Variants in CBFA2T3 observed in about 807,000 individuals in gnomAD.
CBFA2T3 encodes transcriptional corepressor CBFA2T3.
In CBFA2T3, 31 loss-of-function variants were observed where a neutral mutation model predicts 58.6. That is an observed-to-expected ratio of 0.53 (90% CI 0.40 to 0.71). The LOEUF (loss-of-function observed/expected upper bound fraction) is 0.71. CBFA2T3 is among the 30% of genes least tolerant of loss of function. The pLI is 0.00. For missense variants in CBFA2T3, 1,076 were observed against 963.1 expected, an observed-to-expected ratio of 1.12 and a Z score of -1.55; for synonymous variants, 531 against 421.9, an observed-to-expected ratio of 1.26 and a Z score of -3.17.
intron 1 of CBFA2T3, among the ~76,000 whole-genome samples, chr16:88,944,835 C>G (rs1306391832): frequency 2.0e-5 from 3 of 152,200 alleles, no homozygotes; most frequent in African/African-American, 7.2e-5. Flanking sequence ...CTCATGTGCC[C>G]TCCGTGACCC....
At chr16:88,883,363 G>T (rs1240797770) in intron 7 of CBFA2T3, 1 of 156,040 alleles carries the variant, frequency 6.4e-6, no homozygotes, top group Non-Finnish European at 1.4e-5. Context: ...CTCGGCACCC[G>T]CCTCCTGTCT....
At position 88,891,909 on chromosome 16, in the gene CBFA2T3, C is replaced by T. The variant is rs773107751; in HGVS notation, c.684G>A (p.Leu228=). The part of the protein sequence containing the change: ...SKLQEATNFP[L]RPFVIPFLKA... Reference sequence around the variant, plus strand: ...TCAGGAAGGGAATGACAAACGGCCGCAGAGGGAAGTTGGTGGCCTCCTGAA... The same window carrying T: ...TCAGGAAGGGAATGACAAACGGCCGTAGAGGGAAGTTGGTGGCCTCCTGAA... Residue 228 remains leucine (L), a synonymous_variant, in exon 5 of 12, where the codon CTG becomes CTA. Transcript: ENST00000268679. 1.7e-5 allele frequency: 27 copies of T among 1,613,256 alleles called. No individual in the cohort carries two copies. The South Asian group carries it at 2.1e-4, about 12-fold the overall frequency.
At chr16:88,950,255 A>ATCTGTTCACCCGTCCCCT in intron 1 of CBFA2T3, 1 of 208,164 alleles carries the variant, frequency 4.8e-6, no homozygotes, top group Non-Finnish European at 9.5e-6. Flanking sequence ...CCTGTCTTCC[A>ATCTGTTCACCCGTCCCCT]GGTCTGTTCA....
intron 11 of CBFA2T3, among the ~76,000 whole-genome samples, chr16:88,877,849 C>T (rs1437946355): frequency 2.0e-5 from 3 of 152,232 alleles, no homozygotes; most frequent in Non-Finnish European, 4.4e-5. Flanking sequence ...CACACAAAGC[C>T]TGAGCATATT....
intron 1 of CBFA2T3, among the ~76,000 whole-genome samples, chr16:88,956,025 C>T (rs1972211481): frequency 6.6e-6 from 1 of 152,274 alleles, no homozygotes; most frequent in African/African-American, 2.4e-5. Context: ...CCCAAGGATC[C>T]TGACCCCACC....
At chr16:88,952,141 A>G (rs548019908) in intron 1 of CBFA2T3, among the ~76,000 whole-genome samples, 7 of 152,230 alleles carry the variant, frequency 4.6e-5, no homozygotes, top group Non-Finnish European at 1.5e-5. Flanking sequence ...CAGGCTCGCT[A>G]CTATGCAGAG....
chr16:88,885,105 A>G lies in CBFA2T3; in HGVS notation c.1058T>C (p.Phe353Ser). Residue 353 changes from phenylalanine to serine, a missense_variant, in exon 7 of 12, where the codon TTC (phenylalanine) becomes TCC (serine). Coordinates refer to ENST00000268679, the MANE Select transcript of CBFA2T3 (RefSeq NM_005187.6). This position sits in a 1 kb window ranked among gnomAD's most constrained non-coding sequence, Gnocchi z 5.3. Reference protein sequence around the residue: ...RLEDIAMAHHFRDAYRHPDPR... With the variant: ...RLEDIAMAHHSRDAYRHPDPR... The stretch of plus-strand genomic sequence containing the variant: ...GTCTGGGTGGCGGTAGGCATCTCGG[A>G]AGTGGTGGGCCATGGCTATGTCCTC... 6 of 1,602,590 alleles carry G rather than the reference A, an allele frequency of 3.7e-6. No homozygotes were observed. Among genetic ancestry groups the G allele is most frequent in the Middle Eastern group, 1.7e-4 (1 of 6,046 alleles).
intron 1 of CBFA2T3, chr16:88,941,064 C>T (rs2142807733): frequency 1.0e-6 from 1 of 985,688 alleles, no homozygotes. Context: ...ACGGCGCACA[C>T]TCGCGACTCG....
intron 1 of CBFA2T3, among the ~76,000 whole-genome samples, chr16:88,910,885 C>A (rs1458201537): frequency 6.6e-6 from 1 of 151,182 alleles, no homozygotes; most frequent in African/African-American, 2.5e-5. Context: ...CCCTCCCCTG[C>A]CCCCAGCCCC....
chr16:88,927,092 C>T (rs994469680), intron 1 of CBFA2T3, among the ~76,000 whole-genome samples: 1 of 152,208 alleles, frequency 6.6e-6, no homozygotes, highest in Admixed American at 6.5e-5. Context: ...GCAACATCAT[C>T]GCTGCTCCCT....
chr16:88,971,526 G>A (rs1972655500), intron 1 of CBFA2T3, among the ~76,000 whole-genome samples: 1 of 152,232 alleles, frequency 6.6e-6, no homozygotes, highest in Non-Finnish European at 1.5e-5. Context: ...CCCCGCTGTG[G>A]ACCTGTGTCC....
At chr16:88,968,709 G>A (rs1223641267) in intron 1 of CBFA2T3, among the ~76,000 whole-genome samples, 1 of 152,196 alleles carries the variant, frequency 6.6e-6, no homozygotes, top group Non-Finnish European at 1.5e-5. Context: ...ACCACTGCAG[G>A]CCCCCTTGGG....
chr16:88,934,881 A>T (rs952820741), intron 1 of CBFA2T3, among the ~76,000 whole-genome samples: 2 of 152,130 alleles, frequency 1.3e-5, no homozygotes, highest in Non-Finnish European at 2.9e-5. Context: ...CTGGGACTAC[A>T]GGCGCCCGCC....
intron 1 of CBFA2T3, among the ~76,000 whole-genome samples, chr16:88,968,847 G>C (rs1285250891): frequency 6.6e-6 from 1 of 152,196 alleles, no homozygotes; most frequent in Non-Finnish European, 1.5e-5. Context: ...CTGATTGGGT[G>C]ACTTGCAGTG....
At chr16:88,946,472 G>A (rs1971904399) in intron 1 of CBFA2T3, among the ~76,000 whole-genome samples, 1 of 152,060 alleles carries the variant, frequency 6.6e-6, no homozygotes, top group Non-Finnish European at 1.5e-5. Context: ...GGTTGAGTAG[G>A]GAGAGCAGAG....
At chr16:88,907,510 C>T (rs1970377927) in intron 1 of CBFA2T3, among the ~76,000 whole-genome samples, 1 of 152,064 alleles carries the variant, frequency 6.6e-6, no homozygotes, top group South Asian at 2.1e-4. Flanking sequence ...CAACTCTGTC[C>T]TCACGGATTC....
In CBFA2T3 at chr16:88,977,127, T is replaced by C. The variant is rs1972884116; in HGVS notation, c.-320A>G. 2 of 324,254 alleles carry C rather than the reference T, an allele frequency of 6.2e-6. No individual in the cohort carries two copies. The highest frequency in any genetic ancestry group is 2.1e-5 in the African/African-American group (1 of 48,530). The allele number at this position is 324,254 out of a possible 1,614,324, so 20.1% of individuals were successfully genotyped here. A position where few individuals can be genotyped will look rare whatever the true frequency, so the allele number is the denominator to read the frequency against. On this transcript the variant is annotated 5_prime_UTR_variant, in exon 1 of 12. Coordinates refer to ENST00000268679, the MANE Select transcript of CBFA2T3 (RefSeq NM_005187.6). ...CGTGATAATGCCGGGGCCGGAGGCC[T>C]GCAGCTGCGCCCGCCACTTCCCTGA...
At position 88,881,366 on chromosome 16, in the gene CBFA2T3, C is replaced by T. The variant is rs760401870; in HGVS notation, c.1327G>A (p.Asp443Asn). 5 of 1,587,372 alleles carry T rather than the reference C, an allele frequency of 3.1e-6. No homozygotes were observed. The highest frequency in any genetic ancestry group is 1.3e-5 in the African/African-American group (1 of 74,368). Residue 443 changes from aspartate to asparagine, a missense_variant, in exon 9 of 12, where the codon GAC becomes AAC. Coordinates refer to ENST00000268679, the MANE Select transcript of CBFA2T3 (RefSeq NM_005187.6). ...HWARRYSDAEDTKKGPAPAAA... is the reference protein window; with the variant it reads ...HWARRYSDAENTKKGPAPAAA... The stretch of plus-strand genomic sequence containing the variant: ...GCGGGAGCGGGGCCCTTCTTTGTGT[C>T]CTCGGCGTCGCTGTAGCGCCGCGCC...
intron 5 of CBFA2T3, chr16:88,886,850 G>T (rs1190595822): frequency 2.6e-5 from 4 of 152,332 alleles, no homozygotes; most frequent in Non-Finnish European, 4.4e-5. Flanking sequence ...AGACTCCGCA[G>T]CATGCGGCCG....
Sources: gnomAD v4.1 joint callset for allele counts (sites outside exome capture counted in the v4.1 genomes callset) on GRCh38, gnomAD v4.1.1 for gene constraint, Gnocchi (gnomAD v3.1) non-coding constraint, MANE v1.5 for transcripts, NCBI Gene and HGNC (gene_info 2026-07-23, HGNC 2026-07-21) for gene names.